The following PLA2G4A variants were observed in gnomAD, a reference collection of about 807,000 sequenced individuals.
The protein encoded by PLA2G4A is phospholipase A2 group IVA.
A neutral mutation model predicts 81.9 loss-of-function variants in PLA2G4A; 40 were observed. The observed-to-expected ratio is 0.49, with a 90% CI of 0.38 to 0.64. The LOEUF is 0.64. PLA2G4A is among the 30% of genes least tolerant of loss of function. The pLI is 0.00. For synonymous variants in PLA2G4A, 302 were observed against 296.9 expected (o/e 1.02, Z -0.18); for missense variants, 715 against 905.1 (o/e 0.79, Z 2.69).
At chr1:186,871,978 T>C (rs2223306) in intron 3 of PLA2G4A, among the ~76,000 whole-genome samples, 143,203 of 152,112 alleles carry the variant, frequency 0.94, 67,519 homozygotes, top group East Asian at 1. Context: ...AAGGCTCATA[T>C]CATCAGTGAA....
chr1:186,830,608 C>CAAAAAAA (rs55745208), intron 1 of PLA2G4A, among the ~76,000 whole-genome samples: 14 of 72,682 alleles, frequency 1.9e-4, no homozygotes, highest in African/African-American at 6.5e-4. Context: ...AGCTCTGTCT[C>CAAAAAAA]AAAAAAAAAA....
At chr1:186,939,632 C>T (rs1656078428) in intron 9 of PLA2G4A, among the ~76,000 whole-genome samples, 1 of 152,118 alleles carries the variant, frequency 6.6e-6, no homozygotes, top group Admixed American at 6.6e-5. Flanking sequence ...AGAACAGACT[C>T]GCTTGATGCA....
chr1:186,922,193 G>A (rs1449971578), intron 7 of PLA2G4A, among the ~76,000 whole-genome samples: 3 of 152,140 alleles, frequency 2.0e-5, no homozygotes, highest in Admixed American at 6.5e-5. Context: ...CGGGTAAAAA[G>A]GGCACACACA....
intron 10 of PLA2G4A, among the ~76,000 whole-genome samples, chr1:186,944,234 G>T (rs915164691): frequency 6.6e-6 from 1 of 152,056 alleles, no homozygotes; most frequent in African/African-American, 2.4e-5. Flanking sequence ...ACATGGAAGC[G>T]CAGGAGAGAG....
intron 14 of PLA2G4A, among the ~76,000 whole-genome samples, chr1:186,961,970 G>A (rs375214783): frequency 6.6e-6 from 1 of 152,120 alleles, no homozygotes; most frequent in South Asian, 2.1e-4. Context: ...ATTCTGAGTA[G>A]CATGATGAAC....
intron 15 of PLA2G4A, among the ~76,000 whole-genome samples, chr1:186,974,527 G>A (rs958061102): frequency 1.3e-5 from 2 of 152,136 alleles, no homozygotes; most frequent in African/African-American, 4.8e-5. Flanking sequence ...GACATCTTAC[G>A]AAGTATCTCT....
chr1:186,983,025 A>G (rs1657775763), intron 17 of PLA2G4A, among the ~76,000 whole-genome samples: 2 of 151,282 alleles, frequency 1.3e-5, no homozygotes, highest in East Asian at 3.9e-4. Context: ...TGGAGCTTGC[A>G]GTGAGCCAAG....
intron 1 of PLA2G4A, among the ~76,000 whole-genome samples, chr1:186,831,493 G>A (rs998078714): frequency 6.6e-6 from 1 of 152,026 alleles, no homozygotes; most frequent in African/African-American, 2.4e-5. Context: ...TTTTATTGCC[G>A]AATGCAGTAA....
chr1:186,833,734 C>T (rs529474797), intron 1 of PLA2G4A, among the ~76,000 whole-genome samples: 4 of 152,138 alleles, frequency 2.6e-5, no homozygotes, highest in Admixed American at 6.6e-5. Context: ...TACAGTTTAC[C>T]TTTCCTTATA....
intron 7 of PLA2G4A, among the ~76,000 whole-genome samples, chr1:186,930,530 A>G (rs1291866785): frequency 1.3e-5 from 2 of 152,158 alleles, no homozygotes; most frequent in Admixed American, 1.3e-4. Flanking sequence ...CTCTTATTAA[A>G]TCTCTTGCTG....
At chr1:186,848,213 G>A (rs1303416217) in intron 1 of PLA2G4A, among the ~76,000 whole-genome samples, 1 of 152,096 alleles carries the variant, frequency 6.6e-6, no homozygotes, top group Non-Finnish European at 1.5e-5. Context: ...TCCACAAAAA[G>A]CATCTATGAA....
At chr1:186,851,906 G>A (rs1269632292) in intron 1 of PLA2G4A, among the ~76,000 whole-genome samples, 1 of 151,878 alleles carries the variant, frequency 6.6e-6, no homozygotes, top group African/African-American at 2.4e-5. Context: ...AGAGATAAAG[G>A]AGAAACTCAT....
intron 5 of PLA2G4A, among the ~76,000 whole-genome samples, chr1:186,895,121 A>T (rs1042126152): frequency 6.6e-6 from 1 of 152,164 alleles, no homozygotes; most frequent in African/African-American, 2.4e-5. Context: ...TATGGTATTC[A>T]TTGGGACTAC....
intron 1 of PLA2G4A, among the ~76,000 whole-genome samples, chr1:186,842,610 A>T (rs1652028860): frequency 6.6e-6 from 1 of 152,192 alleles, no homozygotes. Flanking sequence ...ATCCAATTTG[A>T]CTAGTGTCCT....
At chr1:186,922,752 C>T (rs775556826) in intron 7 of PLA2G4A, among the ~76,000 whole-genome samples, 10 of 152,206 alleles carry the variant, frequency 6.6e-5, no homozygotes, top group Non-Finnish European at 1.3e-4. Flanking sequence ...CCTGGAGCAT[C>T]GGCAAGACTC....
chr1:186,869,140 C>A (rs1233568919), intron 2 of PLA2G4A, among the ~76,000 whole-genome samples: 2 of 151,518 alleles, frequency 1.3e-5, no homozygotes, highest in Admixed American at 6.6e-5. Context: ...TTAGTTCTTT[C>A]TTCTTTTTTA....
intron 3 of PLA2G4A, 130 bp from the exon 4 acceptor site, chr1:186,892,881 T>C (rs997949624): frequency 2.8e-6 from 2 of 715,604 alleles, no homozygotes; most frequent in African/African-American, 1.8e-5. Context: ...GTGTATATTA[T>C]CTTGTCTCAG....
intron 1 of PLA2G4A, among the ~76,000 whole-genome samples, chr1:186,850,638 A>G (rs142903978): frequency 2.1e-3 from 323 of 152,262 alleles, no homozygotes; most frequent in African/African-American, 7.3e-3. Flanking sequence ...TTGAATGGCC[A>G]TAAGTCCCAG....
intron 8 of PLA2G4A, among the ~76,000 whole-genome samples, chr1:186,933,630 C>T (rs1655830314): frequency 6.6e-6 from 1 of 152,174 alleles, no homozygotes; most frequent in Non-Finnish European, 1.5e-5. Flanking sequence ...TACTAAAGAT[C>T]TGCCTTGGAC....
Sources: gnomAD v4.1 joint callset for allele counts (sites outside exome capture counted in the v4.1 genomes callset) on GRCh38, gnomAD v4.1.1 for gene constraint, MANE v1.5 for transcripts, NCBI Gene and HGNC (gene_info 2026-07-23, HGNC 2026-07-21) for gene names.